ELMO1: variants seen among roughly 807,000 people sequenced by gnomAD.
The protein encoded by ELMO1 is engulfment and cell motility 1.
ELMO1 carries 26 observed loss-of-function variants against 98.9 expected under a neutral mutation model. That is an observed-to-expected ratio of 0.26 (90% CI 0.19 to 0.36). The LOEUF (loss-of-function observed/expected upper bound fraction) is 0.36. Ranked by LOEUF, ELMO1 falls within the 10% of genes least tolerant of loss-of-function variation. The probability of loss-of-function intolerance (pLI) is 1.00; values close to 1 mark genes in which losing one functional copy is unlikely to be tolerated. For synonymous variants in ELMO1, 346 were observed against 346.0 expected, an observed-to-expected ratio of 1.00 and a Z score of 0.00; for missense variants, 627 against 935.2, an observed-to-expected ratio of 0.67 and a Z score of 4.30.
intron 15 of ELMO1, among the ~76,000 whole-genome samples, chr7:37,022,509 T>A (rs1473847346): frequency 6.6e-6 from 1 of 152,096 alleles, no homozygotes; most frequent in African/African-American, 2.4e-5. Flanking sequence ...GAAAAAAATA[T>A]GCAGCTTTAA....
At chr7:37,104,622 T>C (rs1174741371) in intron 14 of ELMO1, among the ~76,000 whole-genome samples, 2 of 152,182 alleles carry the variant, frequency 1.3e-5, no homozygotes, top group African/African-American at 2.4e-5. Flanking sequence ...CGGCCATCCA[T>C]GGTATGTCCA....
At chr7:37,305,380 T>A (rs1266638794) in intron 4 of ELMO1, among the ~76,000 whole-genome samples, 1 of 152,208 alleles carries the variant, frequency 6.6e-6, no homozygotes, top group Non-Finnish European at 1.5e-5. Flanking sequence ...GACCAGACGG[T>A]CTCTGTTCCT....
intron 15 of ELMO1, among the ~76,000 whole-genome samples, chr7:37,079,326 A>G (rs1584610855): frequency 1.3e-5 from 2 of 152,356 alleles, no homozygotes; most frequent in East Asian, 1.9e-4. Flanking sequence ...ATCTGCAGTG[A>G]AAACCAGTTT....
intron 14 of ELMO1, among the ~76,000 whole-genome samples, chr7:37,125,407 C>T (rs902626900): frequency 6.6e-6 from 1 of 152,130 alleles, no homozygotes; most frequent in African/African-American, 2.4e-5. Flanking sequence ...GGCTAATATC[C>T]AGAATCTACA....
At chr7:37,113,029 T>C (rs1785344238) in intron 14 of ELMO1, among the ~76,000 whole-genome samples, 1 of 152,218 alleles carries the variant, frequency 6.6e-6, no homozygotes, top group African/African-American at 2.4e-5. Context: ...CATCAGCATA[T>C]CTGGGGCAAG....
chr7:37,024,660 G>C (rs1223628766), intron 15 of ELMO1, among the ~76,000 whole-genome samples: 2 of 152,188 alleles, frequency 1.3e-5, no homozygotes, highest in East Asian at 1.9e-4. Flanking sequence ...CTTCTACTAT[G>C]ATGGGAATAA....
At chr7:37,221,921 T>C (rs1009748376) in intron 10 of ELMO1, among the ~76,000 whole-genome samples, 12 of 152,110 alleles carry the variant, frequency 7.9e-5, no homozygotes, top group African/African-American at 2.9e-4. Flanking sequence ...TAGTCTCAGC[T>C]TCCTGACCTC....
intron 1 of ELMO1, among the ~76,000 whole-genome samples, chr7:37,358,813 A>G (rs1325042986): frequency 6.6e-6 from 1 of 152,186 alleles, no homozygotes; most frequent in Non-Finnish European, 1.5e-5. Context: ...CCAGATTTGC[A>G]TTTTACCTTT....
intron 13 of ELMO1, among the ~76,000 whole-genome samples, chr7:37,155,133 T>G (rs1315905368): frequency 2.0e-5 from 3 of 152,172 alleles, no homozygotes; most frequent in Non-Finnish European, 4.4e-5. Context: ...CCACCAGGCC[T>G]GCCTTACAAG....
chr7:37,256,384 C>T (rs193017003), intron 6 of ELMO1, among the ~76,000 whole-genome samples: 18 of 151,904 alleles, frequency 1.2e-4, no homozygotes, highest in Admixed American at 7.2e-4. Context: ...TACTTGACTG[C>T]GAGTTAAGAT....
intron 1 of ELMO1, among the ~76,000 whole-genome samples, chr7:37,364,375 G>A (rs1175745191): frequency 6.6e-6 from 1 of 152,180 alleles, no homozygotes; most frequent in Non-Finnish European, 1.5e-5. Context: ...CAGACAACAA[G>A]CAAGAATATT....
At chr7:37,192,984 T>G (rs1242311082) in intron 13 of ELMO1, among the ~76,000 whole-genome samples, 1 of 50,978 alleles carries the variant, frequency 2.0e-5, no homozygotes, top group African/African-American at 6.5e-5. Flanking sequence ...TATATATATA[T>G]ATATATATAT....
chr7:37,436,387 G>C (rs188579636), intron 1 of ELMO1, among the ~76,000 whole-genome samples: 1 of 152,178 alleles, frequency 6.6e-6, no homozygotes, highest in Admixed American at 6.5e-5. Context: ...ATATTTGTCA[G>C]GTCCAATGAA....
intron 4 of ELMO1, among the ~76,000 whole-genome samples, chr7:37,292,480 C>T (rs1177473905): frequency 9.7e-5 from 5 of 51,574 alleles, no homozygotes; most frequent in African/African-American, 2.2e-4. Context: ...TCTGCCTGGC[C>T]GCCATCCCAT....
intron 4 of ELMO1, among the ~76,000 whole-genome samples, chr7:37,305,916 AG>A (rs1177613304): frequency 1.3e-5 from 2 of 152,208 alleles, no homozygotes. Flanking sequence ...GATACCTGAG[AG>A]AAAAAGAACT....
chr7:36,934,572 G>A (rs969231976), intron 16 of ELMO1, among the ~76,000 whole-genome samples: 1 of 152,186 alleles, frequency 6.6e-6, no homozygotes, highest in African/African-American at 2.4e-5. Context: ...TGCTTTGGAT[G>A]CAAATAATTG....
In ELMO1 at chr7:36,969,910, G is replaced by C. The variant is rs201531188; in HGVS notation, c.1437+43389C>G. ...TCCCTGTTGTTCATATTATTGTAAG[G>C]GGTTTTATTTTTATTAATATTTTAA... is the stretch of plus-strand genomic sequence containing the variant. On this transcript the variant is annotated intron_variant, in intron 16 of 21. Coordinates refer to ENST00000310758, the MANE Select transcript of ELMO1 (RefSeq NM_014800.11). Among the ~76,000 whole-genome samples, 30 of 151,522 alleles carry C rather than the reference G, an allele frequency of 2.0e-4. No homozygotes were observed. The East Asian group carries it at 3.1e-3, about 16-fold the overall frequency.
chr7:37,040,657 G>A (rs531953954), intron 15 of ELMO1, among the ~76,000 whole-genome samples: 42 of 152,308 alleles, frequency 2.8e-4, no homozygotes, highest in African/African-American at 1.0e-3. Flanking sequence ...CTGCCTGTTA[G>A]TGTATTTCTC....
intron 1 of ELMO1, among the ~76,000 whole-genome samples, chr7:37,365,974 C>G (rs1368321999): frequency 6.6e-6 from 1 of 152,076 alleles, no homozygotes; most frequent in Admixed American, 6.6e-5. Flanking sequence ...AGATGAATGC[C>G]CAAGATAAGA....
Sources: allele counts gnomAD v4.1 joint callset (sites outside exome capture counted in the v4.1 genomes callset), GRCh38; gene constraint gnomAD v4.1.1; transcripts MANE v1.5; gene names NCBI Gene and HGNC (gene_info 2026-07-23, HGNC 2026-07-21).